Variants in ARID4A observed in about 807,000 individuals in gnomAD.
The protein encoded by ARID4A is AT-rich interactive domain-containing protein 4A.
Under a neutral mutation model 148.6 loss-of-function variants are expected in ARID4A, and 39 were observed. The observed-to-expected ratio is 0.26, with a 90% CI of 0.20 to 0.34. The LOEUF (loss-of-function observed/expected upper bound fraction) is 0.34, where lower values mean the gene tolerates loss of function less well. ARID4A is among the 10% of genes least tolerant of loss of function. The pLI is 1.00. For synonymous variants in ARID4A, 475 were observed against 481.2 expected, an observed-to-expected ratio of 0.99 and a Z score of 0.17; for missense variants, 1,265 against 1,449.1, an observed-to-expected ratio of 0.87 and a Z score of 2.06.
Position 58,351,327 on chromosome 14 carries a change from C to T in ARID4A, c.1655+4C>T, listed in dbSNP as rs779392582. 1 of 1,592,968 alleles carries T rather than the reference C, an allele frequency of 6.3e-7. No homozygotes were observed. Among genetic ancestry groups the T allele is most frequent in the South Asian group, 1.2e-5 (1 of 86,112 alleles). On this transcript the variant is annotated splice_donor_region_variant and intron_variant, in intron 16 of 23. Coordinates refer to ENST00000355431, the MANE Select transcript of ARID4A (RefSeq NM_002892.4). ...AGGAAGAGAAAAGCCAAGAGAGGTA[C>T]ATTATCTTATGTTTGTTCTCCAGAA... is the stretch of plus-strand genomic sequence containing the variant.
chr14:58,316,637 A>G (rs563704239), intron 5 of ARID4A, among the ~76,000 whole-genome samples: 23 of 152,132 alleles, frequency 1.5e-4, no homozygotes, highest in Middle Eastern at 6.8e-3. Context: ...CTGGAGTGCA[A>G]TGGCGCAATC....
chr14:58,367,025 G>T lies in ARID4A; in HGVS notation c.3666G>T (p.Arg1222Ser), dbSNP rs765743426. ...GAAAAAGATTAAAAAAGAAAGACAGGGAAGGTAATTTTATTATGATTTTTC... is the reference window on the plus strand; with the variant it reads ...GAAAAAGATTAAAAAAGAAAGACAGTGAAGGTAATTTTATTATGATTTTTC... ...RRRKRLKKKD[R>S]EVSHAGASMS... The change falls in exon 23 of 24, where the codon AGG becomes AGT. Residue 1222 changes from arginine to serine, a missense_variant. Arg to Ser is a moderately radical substitution (Grantham distance 110). Around this residue, in one of 9 missense-constraint regions of ARID4A, gnomAD observed 666 missense variants for 730.9 expected, o/e 0.91. Transcript: ENST00000355431. 1 of 1,481,858 alleles carries T rather than the reference G, an allele frequency of 6.7e-7. No individual in the cohort carries two copies. The highest frequency in any genetic ancestry group is 8.9e-7 in the Non-Finnish European group (1 of 1,121,872). The allele number at this position is 1,481,858 out of a possible 1,614,324, so 91.8% of individuals were successfully genotyped here.
Position 58,347,705 on chromosome 14 carries a change from C to G in ARID4A, c.1231C>G (p.His411Asp), listed in dbSNP as rs140982706. The change falls in exon 15 of 24, where the codon CAT (histidine) becomes GAT (aspartate). Residue 411 changes from histidine (H) to aspartate (D), a missense_variant. His to Asp is a moderately conservative substitution (Grantham distance 81). Coordinates refer to ENST00000355431, the MANE Select transcript of ARID4A (RefSeq NM_002892.4). ...GGCAAATATTCAGTTCAGAACTGTT[C>G]ATCACCATGAACCAAAAGTAAAAGA... The part of the protein sequence containing the change: ...RSANIQFRTV[H>D]HHEPKVKEEK... The G allele has an allele frequency of 4.2e-4, 672 of 1,613,844 alleles. 5 individuals are homozygous for G. The Admixed American group carries it at 8.6e-3, about 21-fold the overall frequency.
At chr14:58,317,943 G>C (rs995170618) in intron 5 of ARID4A, among the ~76,000 whole-genome samples, 1 of 151,448 alleles carries the variant, frequency 6.6e-6, no homozygotes, top group African/African-American at 2.4e-5. Context: ...AGACCAACCT[G>C]GGTAAAATAG....
At chr14:58,321,956 G>GT (rs5808970) in intron 7 of ARID4A, among the ~76,000 whole-genome samples, 78,577 of 130,122 alleles carry the variant, frequency 0.6, 20,874 homozygotes, top group Middle Eastern at 0.77. Flanking sequence ...TGTTGTTGTT[G>GT]TTTTTTTTGG....
chr14:58,340,187 G>T (rs934772736), intron 11 of ARID4A, among the ~76,000 whole-genome samples: 23 of 152,128 alleles, frequency 1.5e-4, no homozygotes, highest in Admixed American at 1.4e-3. Context: ...ATGCCAGCAA[G>T]TCATGGGCCA....
chr14:58,323,394 T>C, intron 7 of ARID4A, 91 bp from the exon 8 acceptor site: 2 of 1,429,490 alleles, frequency 1.4e-6, no homozygotes, highest in Non-Finnish European at 1.9e-6. Context: ...TGTAGTCCAT[T>C]AGAAATTGAA....
intron 7 of ARID4A, among the ~76,000 whole-genome samples, 194 bp downstream of exon 7, chr14:58,318,999 A>G (rs2032661197): frequency 6.6e-6 from 1 of 152,086 alleles, no homozygotes; most frequent in Non-Finnish European, 1.5e-5. Context: ...AACAACTCTT[A>G]CTTCTAATAG....
chr14:58,355,171 T>A (rs1409852580), intron 17 of ARID4A, among the ~76,000 whole-genome samples: 1 of 152,200 alleles, frequency 6.6e-6, no homozygotes. Context: ...GGTTGCCCTG[T>A]ATTTATTTGG....
At position 58,373,228 on chromosome 14, in the gene ARID4A, A is replaced by G. The variant is rs560222065; in HGVS notation, c.*1239A>G. The G allele has an allele frequency of 3.5e-4, 69 of 198,486 alleles. 1 individual carries two copies. The highest frequency in any genetic ancestry group is 4.6e-4 in the Non-Finnish European group (44 of 95,650). 12.3% of individuals were successfully genotyped at this position (198,486 alleles called of 1,614,324 possible). On this transcript the variant is annotated 3_prime_UTR_variant, in exon 24 of 24. Transcript: ENST00000355431. ...TTATATCTCCCAAAGTTGAGATGCA[A>G]CAACTAAGTAAAGCAACTATGTATG... is the stretch of plus-strand genomic sequence containing the variant.
At chr14:58,351,399 AG>A in intron 16 of ARID4A, 76 bp downstream of exon 16, 1 of 1,519,050 alleles carries the variant, frequency 6.6e-7, no homozygotes, top group Non-Finnish European at 8.8e-7. Context: ...TTAGAGATTC[AG>A]GTTTGAGGGA....
intron 17 of ARID4A, among the ~76,000 whole-genome samples, chr14:58,356,839 C>G (rs997454577): frequency 6.6e-6 from 1 of 151,654 alleles, no homozygotes; most frequent in African/African-American, 2.4e-5. Flanking sequence ...GTAGCTGGGA[C>G]TACAGACGCA....
chr14:58,326,138 A>C (rs1368655698), intron 8 of ARID4A, among the ~76,000 whole-genome samples: 1 of 152,194 alleles, frequency 6.6e-6, no homozygotes, highest in Non-Finnish European at 1.5e-5. Flanking sequence ...GCAAAGCTTC[A>C]CTAGAGGAAA....
At position 58,372,446 on chromosome 14, in the gene ARID4A, GT is replaced by G. The variant is rs893013850; in HGVS notation, c.*465del. 4 of 228,566 alleles carry G rather than the reference GT, an allele frequency of 1.8e-5. No individual in the cohort carries two copies. Among genetic ancestry groups the G allele is most frequent in the Non-Finnish European group, 2.6e-5 (3 of 115,500 alleles). 14.2% of individuals were successfully genotyped at this position (228,566 alleles called of 1,614,324 possible). ...TTATGTTGTGTTTTTTTTCATTATC[GT>G]TTTTTTTATTTTTGTGGAAGCACTT... On this transcript the variant is annotated 3_prime_UTR_variant, in exon 24 of 24. Transcript: ENST00000355431.
intron 5 of ARID4A, among the ~76,000 whole-genome samples, chr14:58,312,593 T>C (rs2140149398): frequency 6.6e-6 from 1 of 152,340 alleles, no homozygotes; most frequent in East Asian, 1.9e-4. Context: ...AAATGTTTGC[T>C]TCATTATGTG....
intron 18 of ARID4A, among the ~76,000 whole-genome samples, chr14:58,359,894 A>C (rs988419854): frequency 6.6e-6 from 1 of 152,004 alleles, no homozygotes; most frequent in Non-Finnish European, 1.5e-5. Flanking sequence ...GTGAAACCCC[A>C]TCTCTACTAA....
At position 58,365,417 on chromosome 14, in the gene ARID4A, T is replaced by C. The variant is rs74055639; in HGVS notation, c.3212-101T>C. ...CTTTTTCTTTTCTCTCTTCTTTTCTTATTAAAAAGAAAGAAATGTCAGTGT... is the reference window on the plus strand; with the variant it reads ...CTTTTTCTTTTCTCTCTTCTTTTCTCATTAAAAAGAAAGAAATGTCAGTGT... On this transcript the variant is annotated intron_variant, in intron 20 of 23. Coordinates refer to ENST00000355431, the MANE Select transcript of ARID4A (RefSeq NM_002892.4). 3,991 of 1,403,406 alleles carry C rather than the reference T, an allele frequency of 2.8e-3. 97 individuals carry two copies. In the African/African-American group the frequency reaches 0.052, roughly 18 times the overall value. The allele number at this position is 1,403,406 out of a possible 1,614,324, so 86.9% of individuals were successfully genotyped here. A position where few individuals can be genotyped will look rare whatever the true frequency, so the allele number is the denominator to read the frequency against.
intron 20 of ARID4A, 31 bp from the exon 21 acceptor site, chr14:58,365,487 T>TTTTAAAAAA: frequency 2.4e-6 from 3 of 1,266,256 alleles, no homozygotes; most frequent in Non-Finnish European, 3.3e-6. Context: ...TTTTTTTTTT[T>TTTTAAAAAA]TTCAACATTC....
chr14:58,331,687 G>A (rs1216080179), intron 11 of ARID4A, among the ~76,000 whole-genome samples: 1 of 152,070 alleles, frequency 6.6e-6, no homozygotes, highest in African/African-American at 2.4e-5. Context: ...AATGGATGAA[G>A]GCTATTTTTC....
Sources: gnomAD v4.1 joint callset for allele counts (sites outside exome capture counted in the v4.1 genomes callset) on GRCh38, gnomAD v4.1.1 for gene constraint, gnomAD v4.1.1 regional missense constraint, MANE v1.5 for transcripts, NCBI Gene and HGNC (gene_info 2026-07-23, HGNC 2026-07-21) for gene names.